The following SH3RF1 variants were observed in gnomAD, a reference collection of about 807,000 sequenced individuals.
SH3RF1 encodes the protein SH3 domain containing ring finger 1.
Under a neutral mutation model 74.0 loss-of-function variants are expected in SH3RF1, and 32 were observed. The ratio of observed to expected loss-of-function variants is 0.43; its 90% CI spans 0.33 to 0.58. The LOEUF (loss-of-function observed/expected upper bound fraction) is 0.58. Ranked by LOEUF, SH3RF1 falls within the 20% of genes least tolerant of loss-of-function variation. The probability of loss-of-function intolerance (pLI) is 0.05; values close to 1 mark genes in which losing one functional copy is unlikely to be tolerated. For synonymous variants in SH3RF1, 396 were observed against 439.6 expected (o/e 0.90, Z 1.24); for missense variants, 954 against 1,130.9 (o/e 0.84, Z 2.24).
chr4:169,117,708 A>T lies in SH3RF1; in HGVS notation c.1592T>A (p.Val531Asp), dbSNP rs1466699414. 9.9e-6 allele frequency: 16 copies of T among 1,614,192 alleles called. No homozygotes were observed. Among genetic ancestry groups the T allele is most frequent in the Non-Finnish European group, 1.4e-5 (16 of 1,180,034 alleles). ...AGGCCCTCCTGCCGTGGAAGGACTG[A>T]CCATGGTCACTCCCCGACTTGTCTG... ...AGQTSRGVTM[V>D]SPSTAGGPAQ... The change falls in exon 9 of 12, where the codon GTC becomes GAC. Residue 531 changes from valine to aspartate, a missense_variant. By Grantham distance (152) the Val-to-Asp change is radical. This residue lies in a region of SH3RF1 where 854 missense variants were observed against 962.5 expected (regional missense o/e 0.89). Transcript: ENST00000284637.
At chr4:169,128,456 C>T (rs1195688054) in intron 6 of SH3RF1, among the ~76,000 whole-genome samples, 2 of 152,174 alleles carry the variant, frequency 1.3e-5, no homozygotes, top group African/African-American at 4.8e-5. Flanking sequence ...CAAAAAACAC[C>T]TTTAACCTCT....
At chr4:169,121,551 A>G (rs1039396837) in intron 7 of SH3RF1, among the ~76,000 whole-genome samples, 1 of 152,228 alleles carries the variant, frequency 6.6e-6, no homozygotes, top group Non-Finnish European at 1.5e-5. Context: ...GACAACCCCA[A>G]GATGCAAGGT....
chr4:169,178,371 G>GCTTATTTAAAAAAATAATCAACTATGC (rs1295207700), intron 2 of SH3RF1, among the ~76,000 whole-genome samples: 1 of 59,564 alleles, frequency 1.7e-5, no homozygotes, highest in Admixed American at 1.7e-4. Context: ...AATAAGCATT[G>GCTTATTTAAAAAAATAATCAACTATGC]TTATGTTTTG....
Position 169,156,447 on chromosome 4 carries a change from A to G in SH3RF1, c.626T>C (p.Val209Ala), listed in dbSNP as rs867646367. 1.2e-6 allele frequency: 2 copies of G among 1,600,542 alleles called. No homozygotes were observed. Among genetic ancestry groups the G allele is most frequent in the Non-Finnish European group, 1.7e-6 (2 of 1,170,320 alleles). ...ATCTTTGTCTGCTTCCTTGTCTTTC[A>G]CTTCAAAGTCATAAAGTGCTTTGCA... ...PQCKALYDFE[V>A]KDKEADKDCL... Residue 209 changes from valine (V) to alanine (A), a missense_variant, in exon 3 of 12, where the codon GTG becomes GCG. Val to Ala is a moderately conservative substitution (Grantham distance 64). Transcript: ENST00000284637.
chr4:169,172,661 T>C (rs1734350834), intron 2 of SH3RF1, among the ~76,000 whole-genome samples: 1 of 152,146 alleles, frequency 6.6e-6, no homozygotes, highest in African/African-American at 2.4e-5. Context: ...TTGATCAGAT[T>C]GAGGGATGCC....
intron 4 of SH3RF1, among the ~76,000 whole-genome samples, chr4:169,149,218 C>T (rs1047838112): frequency 2.0e-5 from 3 of 152,120 alleles, no homozygotes; most frequent in Non-Finnish European, 4.4e-5. Context: ...ATAGATGGAG[C>T]ATAAACTACC....
At position 169,268,882 on chromosome 4, in the gene SH3RF1, C is replaced by T. The variant is rs537400736; in HGVS notation, c.331G>A (p.Asp111Asn). ...TGTCCGCCCTGGGAGCTCTGCAGAT[C>T]TTTTGAGCTACAATTAGCCACAGTG... is the stretch of plus-strand genomic sequence containing the variant. ...SSTVANCSSK[D>N]LQSSQGGQQP... Residue 111 changes from aspartate (D) to asparagine (N), a missense_variant, in exon 2 of 12, where the codon GAT (aspartate) becomes AAT (asparagine). Asp to Asn is a conservative substitution (Grantham distance 23, BLOSUM62 1). Transcript: ENST00000284637. 297 of 1,613,058 alleles carry T rather than the reference C, an allele frequency of 1.8e-4. 1 individual carries two copies. The South Asian group carries it at 3.1e-3, about 17-fold the overall frequency.
chr4:169,133,057 T>A (rs1041941876), intron 5 of SH3RF1, among the ~76,000 whole-genome samples: 2 of 152,192 alleles, frequency 1.3e-5, no homozygotes, highest in Admixed American at 1.3e-4. Flanking sequence ...ACCTTCCAGC[T>A]GCCAGCAATT....
At chr4:169,216,246 GAAAT>G (rs1173281812) in intron 2 of SH3RF1, among the ~76,000 whole-genome samples, 3 of 151,702 alleles carry the variant, frequency 2.0e-5, no homozygotes, top group African/African-American at 7.3e-5. Flanking sequence ...AAGAAATAAA[GAAAT>G]AAAAATAAAA....
intron 2 of SH3RF1, among the ~76,000 whole-genome samples, chr4:169,168,152 CA>C (rs1226404006): frequency 6.6e-6 from 1 of 151,978 alleles, no homozygotes; most frequent in Non-Finnish European, 1.5e-5. Context: ...AAAACAAAAA[CA>C]AAAGCAAAAG....
intron 10 of SH3RF1, among the ~76,000 whole-genome samples, chr4:169,113,121 T>C (rs971234356): frequency 1.1e-4 from 16 of 151,186 alleles, no homozygotes; most frequent in South Asian, 4.2e-4. Flanking sequence ...CTTTTTTTTT[T>C]CCCCCCTGAG....
intron 2 of SH3RF1, among the ~76,000 whole-genome samples, chr4:169,250,840 C>T (rs1055419645): frequency 6.6e-6 from 1 of 152,048 alleles, no homozygotes; most frequent in African/African-American, 2.4e-5. Context: ...TCACAGAAGA[C>T]CCTTATAAGG....
intron 2 of SH3RF1, among the ~76,000 whole-genome samples, chr4:169,250,126 T>C (rs190743528): frequency 8.3e-4 from 126 of 152,350 alleles, no homozygotes; most frequent in Middle Eastern, 3.4e-3. Flanking sequence ...ATGTTAAGCA[T>C]AGAAATTTGC....
rs190468966 is a variant in SH3RF1, at chr4:169,180,325, G to A, written c.394-23646C>T. 9.8e-5 allele frequency among the ~76,000 whole-genome samples: 15 copies of A among 152,302 alleles called. No homozygotes were observed. The South Asian group carries it at 1.5e-3, about 15-fold the overall frequency. ...CCCAAACCGGAGAGTCTGAGGACTC[G>A]TGTTCCAAGTCCCGCTTGTATAAAT... On this transcript the variant is annotated intron_variant, in intron 2 of 11. Transcript: ENST00000284637.
chr4:169,264,101 A>G (rs142220920), intron 2 of SH3RF1, among the ~76,000 whole-genome samples: 7 of 152,182 alleles, frequency 4.6e-5, no homozygotes, highest in Non-Finnish European at 8.8e-5. Flanking sequence ...TCAGAGTACA[A>G]GTTGGCTAGG....
At chr4:169,245,205 C>T (rs1004642714) in intron 2 of SH3RF1, among the ~76,000 whole-genome samples, 11 of 152,194 alleles carry the variant, frequency 7.2e-5, no homozygotes, top group Non-Finnish European at 1.6e-4. Context: ...TTAAATACAA[C>T]TTTAACGCTA....
chr4:169,212,890 G>A (rs773009655), intron 2 of SH3RF1, among the ~76,000 whole-genome samples: 78 of 152,168 alleles, frequency 5.1e-4, no homozygotes, highest in Non-Finnish European at 1.1e-3. Context: ...GGCAACCACT[G>A]ATCTTTTTAC....
rs143074323 is a variant in SH3RF1 at position 169,100,728 on chromosome 4, G to A, written c.2499-4041C>T. On this transcript the variant is annotated intron_variant, in intron 11 of 11. Transcript: ENST00000284637. ...CAGCTTTACAATGCCTGTGAGCAAG[G>A]TTAATCCTCAGCCTGGTATGCGAAG... Among the ~76,000 whole-genome samples, 6 of 152,310 alleles carry A rather than the reference G, an allele frequency of 3.9e-5. No individual in the cohort carries two copies. The East Asian group carries it at 9.7e-4, about 25-fold the overall frequency.
intron 9 of SH3RF1, among the ~76,000 whole-genome samples, 171 bp from the exon 10 acceptor site, chr4:169,116,801 C>T (rs751295225): frequency 5.3e-5 from 8 of 152,122 alleles, no homozygotes; most frequent in Non-Finnish European, 1.0e-4. Context: ...TAGCTGGATC[C>T]CCAGACACTA....
Sources: allele counts gnomAD v4.1 joint callset (sites outside exome capture counted in the v4.1 genomes callset), GRCh38; gene constraint gnomAD v4.1.1; regional missense constraint gnomAD v4.1.1; transcripts MANE v1.5; gene names NCBI Gene and HGNC (gene_info 2026-07-23, HGNC 2026-07-21).